The following GLP2R variants were observed in gnomAD, a reference collection of about 807,000 sequenced individuals.
The protein encoded by GLP2R is glucagon like peptide 2 receptor.
In GLP2R, 59 loss-of-function variants were observed where a neutral mutation model predicts 68.2. That is an observed-to-expected ratio of 0.87 (90% CI 0.70 to 1.07). GLP2R has a LOEUF of 1.07. Ranked by LOEUF, GLP2R falls within the 50% of genes least tolerant of loss-of-function variation. The probability of loss-of-function intolerance (pLI) is 0.00; values close to 1 mark genes in which losing one functional copy is unlikely to be tolerated. For synonymous variants in GLP2R, 270 were observed against 265.4 expected, an observed-to-expected ratio of 1.02 and a Z score of -0.17; for missense variants, 548 against 677.4, an observed-to-expected ratio of 0.81 and a Z score of 2.12.
rs775516624 is a variant in GLP2R, at chr17:9,880,533, A to G, written c.1284+17A>G. ...TCCTTTCATGTAAGTAGAAATCTGAACCAAAATGCCTTGACTTTGGAGAAA... is the reference window on the plus strand; with the variant it reads ...TCCTTTCATGTAAGTAGAAATCTGAGCCAAAATGCCTTGACTTTGGAGAAA... On this transcript the variant is annotated intron_variant, in intron 11 of 12. Coordinates refer to ENST00000262441, the MANE Select transcript of GLP2R (RefSeq NM_004246.3). The G allele has an allele frequency of 1.3e-6, 2 of 1,561,020 alleles. No individual in the cohort carries two copies. Among genetic ancestry groups the G allele is most frequent in the Non-Finnish European group, 1.7e-6 (2 of 1,145,744 alleles).
chr17:9,841,786 G>T (rs1031561273), intron 3 of GLP2R, among the ~76,000 whole-genome samples: 2 of 152,124 alleles, frequency 1.3e-5, no homozygotes, highest in Non-Finnish European at 2.9e-5. Context: ...CCCATGATAT[G>T]CAGGGCCAGG....
At chr17:9,873,556 C>CTTGTTTTTTTTTTTTTTTTTTTTTT (rs2067115439) in intron 10 of GLP2R, among the ~76,000 whole-genome samples, 1 of 52,076 alleles carries the variant, frequency 1.9e-5, no homozygotes, top group Non-Finnish European at 3.4e-5. Flanking sequence ...TATGCATGGA[C>CTTGTTTTTTTTTTTTTTTTTTTTTT]TTTTTTTTTT....
At chr17:9,867,930 G>C (rs1249512878) in intron 9 of GLP2R, among the ~76,000 whole-genome samples, 1 of 152,064 alleles carries the variant, frequency 6.6e-6, no homozygotes, top group East Asian at 1.9e-4. Context: ...GGCTTTCTGT[G>C]GCTTCAGGCT....
intron 8 of GLP2R, among the ~76,000 whole-genome samples, chr17:9,861,516 CAAAA>C (rs1452356047): frequency 6.6e-6 from 1 of 152,008 alleles, no homozygotes; most frequent in African/African-American, 2.4e-5. Flanking sequence ...ACTAAACAAA[CAAAA>C]AACCACTGAA....
intron 9 of GLP2R, among the ~76,000 whole-genome samples, chr17:9,864,711 T>TG (rs1168631108): frequency 6.6e-6 from 1 of 151,932 alleles, no homozygotes; most frequent in African/African-American, 2.4e-5. Flanking sequence ...TTAGTAGAGA[T>TG]GGGGTTTCAC....
intron 2 of GLP2R, 95 bp from the exon 3 acceptor site, chr17:9,836,276 G>A (rs894487077): frequency 1.9e-5 from 15 of 799,264 alleles, no homozygotes; most frequent in South Asian, 2.9e-5. Flanking sequence ...AGCTTCCAGT[G>A]CCAGGAAGGT....
intron 1 of GLP2R, among the ~76,000 whole-genome samples, chr17:9,830,282 C>G (rs528642573): frequency 2.0e-5 from 3 of 152,148 alleles, no homozygotes; most frequent in Non-Finnish European, 2.9e-5. Flanking sequence ...AATCAGGTCC[C>G]GGAGAGGTCC....
Position 9,861,152 on chromosome 17 carries a change from A to G in GLP2R, c.939A>G (p.Leu313=). 1 of 1,613,578 alleles carries G rather than the reference A, an allele frequency of 6.2e-7. No individual in the cohort carries two copies. The highest frequency in any genetic ancestry group is 1.1e-5 in the South Asian group (1 of 91,028). ...TTTTCTCCCCAGCCTTCCCTGTGCTATTTGTTGTACCCTGGGGTTTCGCCC... is the reference window on the plus strand; with the variant it reads ...TTTTCTCCCCAGCCTTCCCTGTGCTGTTTGTTGTACCCTGGGGTTTCGCCC... ...YLLLGWAFPV[L]FVVPWGFARA... is the part of the protein sequence containing the mutation. The change falls in exon 8 of 13, where the codon CTA becomes CTG. Residue 313 remains leucine (L), a synonymous_variant. Coordinates refer to ENST00000262441, the MANE Select transcript of GLP2R (RefSeq NM_004246.3).
Position 9,889,641 on chromosome 17 carries a change from G to A in GLP2R, c.1598G>A (p.Cys533Tyr). Residue 533 changes from cysteine to tyrosine, a missense_variant, in exon 13 of 13, where the codon TGC becomes TAC. Transcript: ENST00000262441. Reference protein sequence around the residue: ...RWPRGSSLSECSEGDVTMANT... With the variant: ...RWPRGSSLSEYSEGDVTMANT... ...CCCCGGGGCAGCAGCCTGTCCGAGTGCAGTGAGGGGGATGTCACCATGGCC... is the reference window on the plus strand; with the variant it reads ...CCCCGGGGCAGCAGCCTGTCCGAGTACAGTGAGGGGGATGTCACCATGGCC... The A allele has an allele frequency of 6.2e-7, 1 of 1,611,252 alleles. No homozygotes were observed. Among genetic ancestry groups the A allele is most frequent in the Non-Finnish European group, 8.5e-7 (1 of 1,178,096 alleles).
intron 10 of GLP2R, among the ~76,000 whole-genome samples, chr17:9,876,359 GTAGGAGACTTCA>G (rs1156733657): frequency 3.3e-5 from 5 of 152,296 alleles, no homozygotes; most frequent in African/African-American, 1.2e-4. Flanking sequence ...CTTATATGAC[GTAGGAGACTTCA>G]TAAGGAAAGG....
chr17:9,869,521 TGCAGCCAAGACGGCAGCCAGGGCC>T, intron 9 of GLP2R, among the ~76,000 whole-genome samples: 1 of 151,424 alleles, frequency 6.6e-6, no homozygotes, highest in East Asian at 1.9e-4. Flanking sequence ...CTCCCGAGGC[TGCAGCCAAGACGGCAGCCAGGGCC>T]GCAGCCATCT....
chr17:9,837,270 C>T (rs2066740996), intron 3 of GLP2R, among the ~76,000 whole-genome samples: 1 of 152,222 alleles, frequency 6.6e-6, no homozygotes, highest in African/African-American at 2.4e-5. Context: ...CAGCCGCCCA[C>T]TACCCTTCCC....
At chr17:9,844,820 AC>A (rs2066822768) in intron 4 of GLP2R, among the ~76,000 whole-genome samples, 1 of 150,172 alleles carries the variant, frequency 6.7e-6, no homozygotes, top group Non-Finnish European at 1.5e-5. Context: ...CCTCCCAAGT[AC>A]CTGGGACTAC....
chr17:9,859,636 A>AAATATATATAT (rs1555571772), intron 6 of GLP2R, among the ~76,000 whole-genome samples: 4 of 143,090 alleles, frequency 2.8e-5, no homozygotes, highest in African/African-American at 1.0e-4. Context: ...ACTAAAAAAA[A>AAATATATATAT]ATATATATAT....
intron 4 of GLP2R, among the ~76,000 whole-genome samples, chr17:9,849,178 A>T (rs961791774): frequency 1.3e-5 from 2 of 151,954 alleles, no homozygotes; most frequent in Non-Finnish European, 2.9e-5. Context: ...ATTGAAACAT[A>T]TAGAAAAATT....
chr17:9,838,971 C>T (rs2066759268), intron 3 of GLP2R, among the ~76,000 whole-genome samples: 1 of 152,202 alleles, frequency 6.6e-6, no homozygotes, highest in Admixed American at 6.5e-5. Flanking sequence ...CCACATTGCA[C>T]CACTGAGCGC....
At chr17:9,873,556 C>CTTGTTTT (rs2067115439) in intron 10 of GLP2R, among the ~76,000 whole-genome samples, 1 of 52,076 alleles carries the variant, frequency 1.9e-5, no homozygotes, top group African/African-American at 8.6e-5. Flanking sequence ...TATGCATGGA[C>CTTGTTTT]TTTTTTTTTT....
At position 9,854,521 on chromosome 17, in the gene GLP2R, C is replaced by CT. The variant is rs773264172; in HGVS notation, c.533dup (p.Leu178PhefsTer67). On this transcript the variant is annotated frameshift_variant, in exon 5 of 13. Transcript: ENST00000262441. LOFTEE classifies it high-confidence loss of function. ...TGGATCGTTATGCCTTGCTGTCAAC[C>CT]TTGCAGCTGATGTACACCGTGGGAT... The CT allele has an allele frequency of 6.2e-7, 1 of 1,610,932 alleles. No homozygotes were observed. Among genetic ancestry groups the CT allele is most frequent in the Non-Finnish European group, 8.5e-7 (1 of 1,177,030 alleles).
intron 7 of GLP2R, 138 bp downstream of exon 7, chr17:9,860,239 G>A: frequency 1.3e-6 from 1 of 773,592 alleles, no homozygotes; most frequent in Non-Finnish European, 2.0e-6. Flanking sequence ...AGGGAGCTTT[G>A]AAGAGGGGTA....
Sources: allele counts gnomAD v4.1 joint callset (sites outside exome capture counted in the v4.1 genomes callset), GRCh38; gene constraint gnomAD v4.1.1; transcripts MANE v1.5; gene names NCBI Gene and HGNC (gene_info 2026-07-23, HGNC 2026-07-21).